The following TSN variants were observed in gnomAD, a reference collection of about 807,000 sequenced individuals.
The protein encoded by TSN is translin, also known as component 3 of promoter of RISC.
Under a neutral mutation model 29.4 loss-of-function variants are expected in TSN, and 5 were observed. The observed-to-expected ratio is 0.17, with a 90% CI of 0.09 to 0.36. TSN has a LOEUF of 0.36. Ranked by LOEUF, TSN falls within the 10% of genes least tolerant of loss-of-function variation. TSN has a pLI of 1.00. For synonymous variants in TSN, 106 were observed against 102.2 expected, an observed-to-expected ratio of 1.04 and a Z score of -0.23; for missense variants, 159 against 272.8, an observed-to-expected ratio of 0.58 and a Z score of 2.94.
rs2074891062 is a variant in TSN, at chr2:121,765,566, TTTG to T, written c.*205_*207del. ...TAGCCTTTACATGGACAGAATTTTT[TTTG>T]TTGTTTCAGTGAATATGCCTGTAAT... On this transcript the variant is annotated 3_prime_UTR_variant, in exon 6 of 6. Coordinates refer to ENST00000389682, the MANE Select transcript of TSN (RefSeq NM_004622.3). The T allele has an allele frequency of 1.7e-6, 1 of 592,442 alleles. No homozygotes were observed. Among genetic ancestry groups the T allele is most frequent in the East Asian group, 2.8e-5 (1 of 35,688 alleles). The allele number at this position is 592,442 out of a possible 1,614,324, so 36.7% of individuals were successfully genotyped here.
At chr2:121,765,099 T>G (rs1168555795) in intron 5 of TSN, 35 bp from the exon 6 acceptor site, 1 of 1,602,000 alleles carries the variant, frequency 6.2e-7, no homozygotes, top group South Asian at 1.1e-5. Context: ...GGAGCCATGT[T>G]GTAACAAGCC....
chr2:121,755,736 T>C lies in TSN; in HGVS notation c.-44T>C, dbSNP rs761156377. The C allele has an allele frequency of 6.2e-7, 1 of 1,610,212 alleles. No individual in the cohort carries two copies. The highest frequency in any genetic ancestry group is 8.5e-7 in the Non-Finnish European group (1 of 1,179,432). ...TGGTTGCCTGCGGCGTCCACTTCCT[T>C]GGCCGCCCTTGCTACACTGGCTGAT... On this transcript the variant is annotated 5_prime_UTR_variant, in exon 1 of 6. Coordinates refer to ENST00000389682, the MANE Select transcript of TSN (RefSeq NM_004622.3).
In TSN at chr2:121,761,900, C is replaced by T. The variant is rs575664119; in HGVS notation, c.373+376C>T. On this transcript the variant is annotated intron_variant, in intron 4 of 5. Transcript: ENST00000389682. ...TGGTGCAATCTCCGCTCACTGCAAC[C>T]TCCACCTCCCAGGTTCAAGTGATTC... Among the ~76,000 whole-genome samples, 25 of 152,198 alleles carry T rather than the reference C, an allele frequency of 1.6e-4. 1 individual carries two copies. The South Asian group carries it at 4.6e-3, about 28-fold the overall frequency.
chr2:121,755,970 C>CT, intron 1 of TSN, 125 bp downstream of exon 1: 1 of 1,526,350 alleles, frequency 6.6e-7, no homozygotes, highest in Non-Finnish European at 8.8e-7. Context: ...TGCTTCCCCT[C>CT]TAGCTTTAGG....
rs762527277 is a variant in TSN at position 121,755,745 on chromosome 2, T to C, written c.-35T>C. 6.2e-7 allele frequency: 1 copy of C among 1,611,900 alleles called. No individual in the cohort carries two copies. Among genetic ancestry groups the C allele is most frequent in the Non-Finnish European group, 8.5e-7 (1 of 1,179,894 alleles). ...GCGGCGTCCACTTCCTTGGCCGCCC[T>C]TGCTACACTGGCTGATTGTTGTGCA... On this transcript the variant is annotated 5_prime_UTR_variant, in exon 1 of 6. Transcript: ENST00000389682.
At chr2:121,761,320 A>G in intron 3 of TSN, 89 bp from the exon 4 acceptor site, 1 of 833,468 alleles carries the variant, frequency 1.2e-6, no homozygotes, top group Non-Finnish European at 2.0e-6. Flanking sequence ...AAATGATCGC[A>G]TTTCTAAACC....
Position 121,765,333 on chromosome 2 carries a change from A to G in TSN, c.653A>G (p.Asn218Ser), listed in dbSNP as rs2074888378. The change falls in exon 6 of 6, where the codon AAT (asparagine) becomes AGT (serine). Residue 218 changes from asparagine to serine, a missense_variant. Asn to Ser is a conservative substitution (Grantham distance 46). This residue lies in a region of TSN where 85 missense variants were observed against 178.1 expected (regional missense o/e 0.48). Transcript: ENST00000389682. ...TATGATCTCTCCATCCGGGGCTTTA[A>G]TAAGGAGACGGCAGCAGCTTGTGTT... ...VVYDLSIRGF[N>S]KETAAACVEK 1 of 1,614,256 alleles carries G rather than the reference A, an allele frequency of 6.2e-7. No individual in the cohort carries two copies. Among genetic ancestry groups the G allele is most frequent in the Non-Finnish European group, 8.5e-7 (1 of 1,180,030 alleles).
rs547120689 is a variant in TSN at position 121,758,409 on chromosome 2, T to C, written c.161-301T>C. ...CCAATTTTAGGCATCCTCTGAGGAG[T>C]GAACAGGAATAGCAGCTGGTGTGCA... On this transcript the variant is annotated intron_variant, in intron 2 of 5. Transcript: ENST00000389682. 2.8e-4 allele frequency among the ~76,000 whole-genome samples: 42 copies of C among 152,242 alleles called. 1 individual carries two copies. Among genetic ancestry groups the C allele is most frequent in the African/African-American group, 9.4e-4 (39 of 41,560 alleles).
At position 121,755,740 on chromosome 2, in the gene TSN, C is replaced by T; in HGVS notation, c.-40C>T. ...TGCCTGCGGCGTCCACTTCCTTGGC[C>T]GCCCTTGCTACACTGGCTGATTGTT... On this transcript the variant is annotated 5_prime_UTR_variant, in exon 1 of 6. Coordinates refer to ENST00000389682, the MANE Select transcript of TSN (RefSeq NM_004622.3). 1 of 1,610,724 alleles carries T rather than the reference C, an allele frequency of 6.2e-7. No homozygotes were observed. The highest frequency in any genetic ancestry group is 8.5e-7 in the Non-Finnish European group (1 of 1,179,472).
chr2:121,757,414 A>G (rs778216464), intron 2 of TSN, 81 bp downstream of exon 2: 1 of 1,595,558 alleles, frequency 6.3e-7, no homozygotes, highest in Non-Finnish European at 8.5e-7. Flanking sequence ...TTATAATGAA[A>G]AATGGCTATC....
Position 121,767,453 on chromosome 2 carries a change from A to AAC in TSN, c.*2088_*2089dup, listed in dbSNP as rs985785680. 72 of 152,290 alleles carry AAC rather than the reference A, an allele frequency of 4.7e-4. No individual in the cohort carries two copies. The highest frequency in any genetic ancestry group is 1.6e-3 in the African/African-American group (68 of 41,582). The allele number at this position is 152,290 out of a possible 1,614,324, so 9.4% of individuals were successfully genotyped here. A position where few individuals can be genotyped will look rare whatever the true frequency, so the allele number is the denominator to read the frequency against. On this transcript the variant is annotated 3_prime_UTR_variant, in exon 6 of 6. Transcript: ENST00000389682. ...GAGTTCTATACTGTAAAGCGCAGATAACATTTGTGTGTTATACCTTGATTG... is the reference window on the plus strand; with the variant it reads ...GAGTTCTATACTGTAAAGCGCAGATAACACATTTGTGTGTTATACCTTGATTG...
At chr2:121,763,303 C>T (rs369312948) in intron 5 of TSN, among the ~76,000 whole-genome samples, 20 of 152,054 alleles carry the variant, frequency 1.3e-4, no homozygotes, top group African/African-American at 4.1e-4. Context: ...CCACCACACC[C>T]GGCTAATTTT....
Position 121,755,823 on chromosome 2 carries a change from C to G in TSN, c.44C>G (p.Ala15Gly). Residue 15 changes from alanine (A) to glycine (G), a missense_variant, in exon 1 of 6, where the codon GCT (alanine) becomes GGT (glycine). This residue lies in a region of TSN where 43 missense variants were observed against 68.6 expected (regional missense o/e 0.63). Coordinates refer to ENST00000389682, the MANE Select transcript of TSN (RefSeq NM_004622.3). ...TTCGTGGAGCTGCAGGGCTTTTTGG[C>G]TGCCGAGCAGGACATCCGAGAGGCG... is the stretch of plus-strand genomic sequence containing the variant. ...EIFVELQGFL[A>G]AEQDIREEIR... is the part of the protein sequence containing the mutation. 6.2e-7 allele frequency: 1 copy of G among 1,614,100 alleles called. No individual in the cohort carries two copies. Among genetic ancestry groups the G allele is most frequent in the Non-Finnish European group, 8.5e-7 (1 of 1,180,032 alleles).
intron 4 of TSN, among the ~76,000 whole-genome samples, chr2:121,762,702 C>G (rs1262913521): frequency 1.3e-5 from 2 of 152,102 alleles, no homozygotes; most frequent in Non-Finnish European, 2.9e-5. Context: ...TTGAAAGTTG[C>G]AAATATCGTA....
chr2:121,759,885 C>T (rs1463329376), intron 3 of TSN, among the ~76,000 whole-genome samples: 2 of 151,922 alleles, frequency 1.3e-5, no homozygotes, highest in African/African-American at 4.8e-5. Context: ...TTTGTTTTTT[C>T]AAGAGTTGTT....
chr2:121,761,160 C>T (rs892465053), intron 3 of TSN, among the ~76,000 whole-genome samples: 2 of 152,122 alleles, frequency 1.3e-5, no homozygotes, highest in Admixed American at 6.6e-5. Context: ...CGTGAGCCAT[C>T]GCACCCGGCG....
intron 5 of TSN, among the ~76,000 whole-genome samples, chr2:121,763,562 A>C (rs754416652): frequency 3.3e-4 from 50 of 152,330 alleles, no homozygotes; most frequent in Middle Eastern, 3.4e-3. Context: ...TTTACTAGGC[A>C]TCAGAGAAAA....
chr2:121,759,895 T>TA (rs1160076002), intron 3 of TSN, among the ~76,000 whole-genome samples: 17 of 152,074 alleles, frequency 1.1e-4, no homozygotes, highest in African/African-American at 2.4e-4. Context: ...CAAGAGTTGT[T>TA]AAAAAAAAGA....
chr2:121,759,148 GTATA>G (rs1292382572), intron 3 of TSN, among the ~76,000 whole-genome samples: 1 of 152,224 alleles, frequency 6.6e-6, no homozygotes, highest in Non-Finnish European at 1.5e-5. Flanking sequence ...TTAGGTGGCA[GTATA>G]TATATGGAGT....
Sources: gnomAD v4.1 joint callset for allele counts (sites outside exome capture counted in the v4.1 genomes callset) on GRCh38, gnomAD v4.1.1 for gene constraint, gnomAD v4.1.1 regional missense constraint, MANE v1.5 for transcripts, NCBI Gene and HGNC (gene_info 2026-07-23, HGNC 2026-07-21) for gene names.